The following SRRM3 variants were observed in gnomAD, a reference collection of about 807,000 sequenced individuals.
SRRM3 encodes the protein serine/arginine repetitive matrix protein 3.
In SRRM3, 27 loss-of-function variants were observed where a neutral mutation model predicts 66.2. The ratio of observed to expected loss-of-function variants is 0.41; its 90% CI spans 0.30 to 0.56. The LOEUF is 0.56. Among genes scored for constraint, SRRM3 ranks in the 20% least tolerant of loss-of-function variants. SRRM3 has a pLI of 0.32. For synonymous variants in SRRM3, 391 were observed against 414.9 expected, an observed-to-expected ratio of 0.94 and a Z score of 0.70; for missense variants, 918 against 991.9, an observed-to-expected ratio of 0.93 and a Z score of 1.00.
chr7:76,239,470 A>G (rs1223512052), intron 2 of SRRM3, among the ~76,000 whole-genome samples: 4 of 151,666 alleles, frequency 2.6e-5, no homozygotes, highest in African/African-American at 9.7e-5. Flanking sequence ...CTGAGGAGGG[A>G]GCACTTGAGC....
At chr7:76,233,709 C>A (rs1185260060) in intron 1 of SRRM3, among the ~76,000 whole-genome samples, 1 of 152,154 alleles carries the variant, frequency 6.6e-6, no homozygotes, top group Non-Finnish European at 1.5e-5. Flanking sequence ...AGGTGGAAAT[C>A]AGAGGCTCAG....
At chr7:76,278,519 G>T (rs1458580318) in intron 11 of SRRM3, among the ~76,000 whole-genome samples, 27 of 152,022 alleles carry the variant, frequency 1.8e-4, no homozygotes, top group African/African-American at 6.3e-4. Context: ...TGAAAGAGGG[G>T]CCAATCCAGC....
chr7:76,269,230 C>T (rs1802148095), intron 11 of SRRM3: 1 of 152,250 alleles, frequency 6.6e-6, no homozygotes, highest in African/African-American at 2.4e-5. Flanking sequence ...TCTAGTTTGG[C>T]ACAGCCCTGG....
chr7:76,216,337 G>A (rs1169208276), intron 1 of SRRM3, among the ~76,000 whole-genome samples: 4 of 151,646 alleles, frequency 2.6e-5, no homozygotes, highest in African/African-American at 4.8e-5. Flanking sequence ...GTGAGCCACC[G>A]TGCCTGCCCC....
chr7:76,218,403 G>A (rs1295834362), intron 1 of SRRM3, among the ~76,000 whole-genome samples: 4 of 152,046 alleles, frequency 2.6e-5, no homozygotes, highest in African/African-American at 4.8e-5. Flanking sequence ...TGCTTCTGTA[G>A]AACATTCTCC....
chr7:76,218,804 A>G (rs1169258542), intron 1 of SRRM3, among the ~76,000 whole-genome samples: 1 of 146,510 alleles, frequency 6.8e-6, no homozygotes, highest in African/African-American at 2.5e-5. Flanking sequence ...TCAGCTTCCC[A>G]AGTAGCTGGG....
intron 1 of SRRM3, among the ~76,000 whole-genome samples, chr7:76,220,897 C>T (rs567955449): frequency 6.6e-5 from 10 of 152,204 alleles, no homozygotes; most frequent in African/African-American, 2.4e-4. Flanking sequence ...TTCCCCTCCC[C>T]CCACCGCGTC....
chr7:76,285,974 G>A lies in SRRM3; in HGVS notation c.*131G>A, dbSNP rs200253789. The A allele has an allele frequency of 1.2e-3, 1,198 of 991,298 alleles. 2 individuals are homozygous for A. The highest frequency in any genetic ancestry group is 1.5e-3 in the Non-Finnish European group (1,040 of 678,912). 61.4% of individuals were successfully genotyped at this position (991,298 alleles called of 1,614,324 possible). A position where few individuals can be genotyped will look rare whatever the true frequency, so the allele number is the denominator to read the frequency against. On this transcript the variant is annotated 3_prime_UTR_variant, in exon 15 of 15. Transcript: ENST00000611745. This position sits in a 1 kb window ranked among gnomAD's most constrained non-coding sequence, Gnocchi z 4.1. ...CAAAGAGGTCTCAGGGCCAGTGCAC[G>A]GGCAGATGGGACCGGGGAAGACTTT...
intron 1 of SRRM3, among the ~76,000 whole-genome samples, chr7:76,226,166 C>A (rs1201445399): frequency 6.6e-6 from 1 of 152,232 alleles, no homozygotes; most frequent in Non-Finnish European, 1.5e-5. Flanking sequence ...CTGGACCCTG[C>A]AGTACAGATG....
rs1217359899 is a variant in SRRM3, at chr7:76,260,024, C to G, written c.454C>G (p.Arg152Gly). The G allele has an allele frequency of 6.4e-7, 1 of 1,564,978 alleles. No individual in the cohort carries two copies. Among genetic ancestry groups the G allele is most frequent in the East Asian group, 2.3e-5 (1 of 42,662 alleles). ...DCPASCYRGHRGYRTKHWSSS... is the reference protein window; with the variant it reads ...DCPASCYRGHGGYRTKHWSSS... ...CCCGGCCTCCTGCTACCGCGGCCAC[C>G]GCGGGTACAGGTCAGCGGCCGCCGC... is the stretch of plus-strand genomic sequence containing the variant. Residue 152 changes from arginine (R) to glycine (G), a missense_variant, in exon 4 of 15, where the codon CGC becomes GGC. Coordinates refer to ENST00000611745, the MANE Select transcript of SRRM3 (RefSeq NM_001110199.3).
chr7:76,235,098 G>A lies in SRRM3; in HGVS notation c.32G>A (p.Ser11Asn). MSSTVNNGAA[S>N]MQSTPDAANG... ...TCCACCGTGAACAACGGGGCGGCCA[G>A]CATGCAGTCCACACCCGACGCCGCG... The change falls in exon 2 of 15, where the codon AGC becomes AAC. Residue 11 changes from serine to asparagine, a missense_variant. Ser to Asn is a conservative substitution (Grantham distance 46, BLOSUM62 1). Transcript: ENST00000611745. 1 of 1,586,654 alleles carries A rather than the reference G, an allele frequency of 6.3e-7. No individual in the cohort carries two copies. The highest frequency in any genetic ancestry group is 8.5e-7 in the Non-Finnish European group (1 of 1,171,474).
At chr7:76,272,154 C>A (rs1186648051) in intron 11 of SRRM3, among the ~76,000 whole-genome samples, 1 of 152,214 alleles carries the variant, frequency 6.6e-6, no homozygotes, top group East Asian at 1.9e-4. Flanking sequence ...GTGCTAGGCT[C>A]ACCCTCCCAA....
chr7:76,242,886 C>T (rs1801345750), intron 2 of SRRM3, among the ~76,000 whole-genome samples: 1 of 152,174 alleles, frequency 6.6e-6, no homozygotes, highest in Non-Finnish European at 1.5e-5. Flanking sequence ...ACAGGTGAAG[C>T]TTTGCCCCCT....
intron 3 of SRRM3, among the ~76,000 whole-genome samples, chr7:76,253,538 G>A (rs1188712065): frequency 2.0e-5 from 3 of 151,628 alleles, no homozygotes; most frequent in African/African-American, 4.9e-5. Flanking sequence ...GGAGAATGGC[G>A]TGAACCCGGG....
intron 11 of SRRM3, 36 bp downstream of exon 11, chr7:76,267,471 C>A: frequency 8.2e-7 from 1 of 1,215,006 alleles, no homozygotes; most frequent in South Asian, 2.3e-5. Flanking sequence ...GTTCCCGCGC[C>A]GCGGGCTGCG....
At chr7:76,220,781 C>G (rs1302017315) in intron 1 of SRRM3, among the ~76,000 whole-genome samples, 2 of 152,226 alleles carry the variant, frequency 1.3e-5, no homozygotes, top group Admixed American at 6.5e-5. Context: ...CCTCCCACCC[C>G]CAGCCAGCCC....
chr7:76,264,855 C>G (rs782375653), intron 9 of SRRM3, 40 bp downstream of exon 9: 2 of 1,601,250 alleles, frequency 1.2e-6, no homozygotes, highest in South Asian at 2.2e-5. Context: ...CATTCGTTCT[C>G]CCTCCCGCCC....
At chr7:76,205,142 G>T (rs1800262462) in intron 1 of SRRM3, among the ~76,000 whole-genome samples, 1 of 152,020 alleles carries the variant, frequency 6.6e-6, no homozygotes, top group Non-Finnish European at 1.5e-5. Context: ...ATTCAGCCTA[G>T]ACTCATTTCC....
chr7:76,273,490 G>T (rs897999384), intron 11 of SRRM3: 34 of 152,308 alleles, frequency 2.2e-4, no homozygotes, highest in African/African-American at 7.7e-4. Context: ...TGGCTCAGAG[G>T]GGGAGCACAG....
Sources: allele counts gnomAD v4.1 joint callset (sites outside exome capture counted in the v4.1 genomes callset), GRCh38; gene constraint gnomAD v4.1.1; non-coding constraint Gnocchi (gnomAD v3.1); transcripts MANE v1.5; gene names NCBI Gene and HGNC (gene_info 2026-07-23, HGNC 2026-07-21).